Variants in CLASP1 observed in about 807,000 individuals in gnomAD.
CLASP1 encodes cytoplasmic linker associated protein 1.
A neutral mutation model predicts 192.3 loss-of-function variants in CLASP1; 38 were observed. The ratio of observed to expected loss-of-function variants is 0.20; its 90% CI spans 0.15 to 0.26. The LOEUF (loss-of-function observed/expected upper bound fraction) is 0.26. CLASP1 is among the 10% of genes least tolerant of loss of function. CLASP1 has a pLI of 1.00. For synonymous variants in CLASP1, 691 were observed against 712.8 expected (o/e 0.97, Z 0.49); for missense variants, 1,433 against 1,932.5 (o/e 0.74, Z 4.85).
At chr2:121,445,631 G>A (rs997030992) in intron 19 of CLASP1, 10 of 409,442 alleles carry the variant, frequency 2.4e-5, no homozygotes, top group African/African-American at 4.2e-5. Context: ...TTTTTGTTTG[G>A]GGACAAAATA....
intron 2 of CLASP1, among the ~76,000 whole-genome samples, chr2:121,575,162 A>G (rs1320192615): frequency 1.3e-5 from 2 of 151,556 alleles, no homozygotes; most frequent in Non-Finnish European, 2.9e-5. Context: ...CCCAGGCTGG[A>G]GTGCAGTGGC....
chr2:121,620,521 T>A (rs979488230), intron 1 of CLASP1, among the ~76,000 whole-genome samples: 1 of 152,050 alleles, frequency 6.6e-6, no homozygotes, highest in Non-Finnish European at 1.5e-5. Context: ...AGCTAAATTT[T>A]GTATTTTTAG....
At chr2:121,582,408 G>A (rs2061294034) in intron 2 of CLASP1, among the ~76,000 whole-genome samples, 1 of 147,184 alleles carries the variant, frequency 6.8e-6, no homozygotes, top group African/African-American at 2.5e-5. Flanking sequence ...ATGGATGGAA[G>A]GAAGGAAGGA....
At chr2:121,392,764 G>A (rs2074604238) in intron 30 of CLASP1, among the ~76,000 whole-genome samples, 4 of 152,164 alleles carry the variant, frequency 2.6e-5, no homozygotes, top group Non-Finnish European at 5.9e-5. Flanking sequence ...GAAAGGTCTA[G>A]TGTACGTCTG....
chr2:121,534,645 C>G lies in CLASP1; in HGVS notation c.196-4320G>C, dbSNP rs542354051. The stretch of plus-strand genomic sequence containing the variant: ...CTCCGCCTCCCGGGTTCAAGAGATT[C>G]TCGTGCTTCAGCCTCCCAAGTAGCT... On this transcript the variant is annotated intron_variant, in intron 2 of 39. Transcript: ENST00000263710. 4.5e-4 allele frequency among the ~76,000 whole-genome samples: 66 copies of G among 148,152 alleles called. No individual in the cohort carries two copies. In the East Asian group the frequency reaches 8.1e-3, roughly 18 times the overall value.
intron 2 of CLASP1, chr2:121,531,148 T>A: frequency 1.6e-6 from 1 of 614,456 alleles, no homozygotes; most frequent in Non-Finnish European, 3.0e-6. Context: ...GTTTTTGCGG[T>A]GATTAAACGG....
chr2:121,490,396 T>C, intron 8 of CLASP1: 1 of 383,112 alleles, frequency 2.6e-6, no homozygotes. Flanking sequence ...TTCAGTGTGA[T>C]CCGGCAGCAC....
chr2:121,478,891 A>C (rs2092220612), intron 8 of CLASP1, among the ~76,000 whole-genome samples: 3 of 62,424 alleles, frequency 4.8e-5, no homozygotes, highest in Admixed American at 1.7e-4. Flanking sequence ...CACACACCAC[A>C]CACACACACC....
At chr2:121,407,920 T>C in intron 24 of CLASP1, 2 of 718,906 alleles carry the variant, frequency 2.8e-6, no homozygotes, top group East Asian at 5.4e-5. Context: ...CACTCTGTAG[T>C]AGAAGGGAAA....
chr2:121,374,728 C>T (rs1040987072), intron 34 of CLASP1, among the ~76,000 whole-genome samples: 6 of 152,172 alleles, frequency 3.9e-5, no homozygotes, highest in Non-Finnish European at 8.8e-5. Context: ...TAATGACTGC[C>T]CTCCTGGGTT....
intron 1 of CLASP1, among the ~76,000 whole-genome samples, chr2:121,620,338 A>C (rs1476897290): frequency 6.6e-6 from 1 of 152,054 alleles, no homozygotes; most frequent in Non-Finnish European, 1.5e-5. Flanking sequence ...TTTTCATCTA[A>C]GGACTAAGGA....
intron 23 of CLASP1, among the ~76,000 whole-genome samples, chr2:121,413,482 T>C (rs1202848090): frequency 2.0e-5 from 3 of 152,226 alleles, no homozygotes; most frequent in Non-Finnish European, 4.4e-5. Flanking sequence ...GATGTATTAC[T>C]GTATGCTTAC....
At chr2:121,340,750 T>G in exon 40 of CLASP1, 1 of 734,104 alleles carries the variant, frequency 1.4e-6, no homozygotes, top group Non-Finnish European at 2.3e-6. Flanking sequence ...TTGTAATAAA[T>G]ATTTGTGGGC....
chr2:121,472,917 C>T (rs188290759), intron 8 of CLASP1, among the ~76,000 whole-genome samples: 1 of 152,216 alleles, frequency 6.6e-6, no homozygotes, highest in African/African-American at 2.4e-5. Context: ...AGCTTAAAAG[C>T]AGGCCTACAG....
At chr2:121,432,533 G>A (rs768927384) in intron 19 of CLASP1, among the ~76,000 whole-genome samples, 3 of 152,320 alleles carry the variant, frequency 2.0e-5, no homozygotes, top group Admixed American at 6.5e-5. Flanking sequence ...AACAACGCCT[G>A]TTGAAATGTT....
At chr2:121,429,837 T>C (rs1251431085) in intron 20 of CLASP1, among the ~76,000 whole-genome samples, 1 of 152,248 alleles carries the variant, frequency 6.6e-6, no homozygotes, top group Admixed American at 6.5e-5. Flanking sequence ...TACATTTTAA[T>C]GTTTAATGCT....
chr2:121,595,742 T>C (rs947942212), intron 2 of CLASP1, among the ~76,000 whole-genome samples: 1 of 152,244 alleles, frequency 6.6e-6, no homozygotes, highest in Admixed American at 6.5e-5. Context: ...CCAAGGCCTC[T>C]GTTCCAGAGC....
Position 121,347,024 on chromosome 2 carries a change from A to G in CLASP1, c.4530+14T>C. On this transcript the variant is annotated intron_variant, in intron 39 of 39. Coordinates refer to ENST00000263710, the Ensembl canonical transcript of CLASP1. ...CCCAGGTGTGCGTATCAGCCCAGGT[A>G]ACACTATACATACCTTGCTCCCTGT... 6.6e-7 allele frequency: 1 copy of G among 1,510,764 alleles called. No individual in the cohort carries two copies. Among genetic ancestry groups the G allele is most frequent in the South Asian group, 1.2e-5 (1 of 83,286 alleles). 93.6% of individuals were successfully genotyped at this position (1,510,764 alleles called of 1,614,324 possible). A position where few individuals can be genotyped will look rare whatever the true frequency, so the allele number is the denominator to read the frequency against.
At chr2:121,434,610 T>G (rs1370344537) in intron 19 of CLASP1, among the ~76,000 whole-genome samples, 1 of 152,194 alleles carries the variant, frequency 6.6e-6, no homozygotes, top group Non-Finnish European at 1.5e-5. Context: ...TATGCCTAAT[T>G]TATTATTCTT....
Sources: gnomAD v4.1 joint callset for allele counts (sites outside exome capture counted in the v4.1 genomes callset) on GRCh38, gnomAD v4.1.1 for gene constraint, MANE v1.5 for transcripts, NCBI Gene and HGNC (gene_info 2026-07-23, HGNC 2026-07-21) for gene names.